The following KCNAB2 variants were observed in gnomAD, a reference collection of about 807,000 sequenced individuals.
The protein encoded by KCNAB2 is potassium voltage-gated channel subfamily A regulatory beta subunit 2, also known as voltage-gated potassium channel subunit beta-2.
KCNAB2 carries 29 observed loss-of-function variants against 63.6 expected under a neutral mutation model. That is an observed-to-expected ratio of 0.46 (90% CI 0.34 to 0.62). The LOEUF (loss-of-function observed/expected upper bound fraction) is 0.62, where lower values mean the gene tolerates loss of function less well. Among genes scored for constraint, KCNAB2 ranks in the 20% least tolerant of loss-of-function variants. The pLI, the probability that KCNAB2 is intolerant of heterozygous loss-of-function variation, is 0.01. For synonymous variants in KCNAB2, 222 were observed against 224.2 expected, an observed-to-expected ratio of 0.99 and a Z score of 0.09; for missense variants, 359 against 563.9, an observed-to-expected ratio of 0.64 and a Z score of 3.68.
At chr1:6,011,548 G>A (rs1432011877) in intron 1 of KCNAB2, among the ~76,000 whole-genome samples, 1 of 152,250 alleles carries the variant, frequency 6.6e-6, no homozygotes, top group South Asian at 2.1e-4. Flanking sequence ...AGGTAGACAG[G>A]AGAGGCTGTG....
chr1:6,039,863 G>C (rs554510525), intron 1 of KCNAB2, among the ~76,000 whole-genome samples: 1 of 152,348 alleles, frequency 6.6e-6, no homozygotes, highest in East Asian at 1.9e-4. Flanking sequence ...TCAGAGCCAG[G>C]AGGGACAGTC....
chr1:6,062,490 T>C (rs943045148), intron 2 of KCNAB2, among the ~76,000 whole-genome samples: 1 of 152,192 alleles, frequency 6.6e-6, no homozygotes. Context: ...GGTCCATTGA[T>C]CCAATATTTA....
In KCNAB2 at chr1:6,087,335, C is replaced by T; in HGVS notation, c.426-132C>T. ...ACACATCATATGATGGAGAAGTGCC[C>T]ATTTCATGCCCCAGGCTCCTGGGTG... On this transcript the variant is annotated intron_variant, in intron 6 of 15. Transcript: ENST00000378083. This position sits in a 1 kb window ranked among gnomAD's most constrained non-coding sequence, Gnocchi z 6.4. The T allele has an allele frequency of 2.1e-6, 2 of 945,246 alleles. No homozygotes were observed. Among genetic ancestry groups the T allele is most frequent in the Non-Finnish European group, 3.4e-6 (2 of 581,678 alleles). 58.6% of individuals were successfully genotyped at this position (945,246 alleles called of 1,614,324 possible). A position where few individuals can be genotyped will look rare whatever the true frequency, so the allele number is the denominator to read the frequency against.
chr1:6,083,363 A>G (rs552380519), intron 5 of KCNAB2, among the ~76,000 whole-genome samples: 3 of 152,338 alleles, frequency 2.0e-5, no homozygotes, highest in South Asian at 4.1e-4. Context: ...AGCTCCGTGC[A>G]GCCTCCGTGG....
intron 1 of KCNAB2, among the ~76,000 whole-genome samples, chr1:5,993,931 G>A (rs1656752855): frequency 6.6e-6 from 1 of 152,222 alleles, no homozygotes; most frequent in South Asian, 2.1e-4. Flanking sequence ...TTGGGAGGGG[G>A]CTGAGGAGCT....
chr1:6,060,901 C>CAAAA (rs58592769), intron 2 of KCNAB2, among the ~76,000 whole-genome samples: 2 of 85,182 alleles, frequency 2.3e-5, no homozygotes, highest in African/African-American at 7.7e-5. Flanking sequence ...GACTCCGTCT[C>CAAAA]AAAAAAAAAA....
intron 4 of KCNAB2, among the ~76,000 whole-genome samples, chr1:6,080,332 G>C (rs1306308231): frequency 6.6e-6 from 1 of 152,190 alleles, no homozygotes; most frequent in African/African-American, 2.4e-5. Flanking sequence ...AGTGCTAGAG[G>C]TGGGGAGAGA....
chr1:6,084,833 C>A (rs1452990676), intron 5 of KCNAB2, among the ~76,000 whole-genome samples: 1 of 151,852 alleles, frequency 6.6e-6, no homozygotes, highest in Non-Finnish European at 1.5e-5. Context: ...CAAGATACTT[C>A]TCTGGAAATT....
At position 6,096,542 on chromosome 1, in the gene KCNAB2, T is replaced by A; in HGVS notation, c.949-94T>A. On this transcript the variant is annotated intron_variant, in intron 13 of 15. Coordinates refer to ENST00000378083, the MANE Select transcript of KCNAB2 (RefSeq NM_001199862.2). The surrounding 1 kb of genome is among the most constrained non-coding windows in gnomAD (Gnocchi z 5.9). ...GAAGAGCCCCTATGAGGGAGAAGGGTCCAGAAGGAATGAGCCCATCGGCCC... is the reference window on the plus strand; with the variant it reads ...GAAGAGCCCCTATGAGGGAGAAGGGACCAGAAGGAATGAGCCCATCGGCCC... 6.8e-7 allele frequency: 1 copy of A among 1,460,050 alleles called. No individual in the cohort carries two copies. The highest frequency in any genetic ancestry group is 9.2e-7 in the Non-Finnish European group (1 of 1,087,606). The allele number at this position is 1,460,050 out of a possible 1,614,324, so 90.4% of individuals were successfully genotyped here.
rs1029395728 is a variant in KCNAB2 at position 6,003,958 on chromosome 1, T to A, written c.-53+11170T>A. On this transcript the variant is annotated intron_variant, in intron 1 of 16. Transcript: ENST00000341524. This position sits in a 1 kb window ranked among gnomAD's most constrained non-coding sequence, Gnocchi z 4.1. ...GCAGCGCTGCCTGGCAAGATGTTAA[T>A]CGTTCATGCCCTGTCACGTGGTCAT... Among the ~76,000 whole-genome samples the A allele has an allele frequency of 6.6e-6, 1 of 152,214 alleles. No homozygotes were observed. The highest frequency in any genetic ancestry group is 2.4e-5 in the African/African-American group (1 of 41,454).
chr1:6,045,784 T>A (rs984328530), upstream of KCNAB2: 1 of 463,034 alleles, frequency 2.2e-6, no homozygotes, highest in African/African-American at 2.1e-5. This position sits in a 1 kb window ranked among gnomAD's most constrained non-coding sequence, Gnocchi z 4.8. Flanking sequence ...TCCAAAGGTT[T>A]GTGTTTCTGG....
intron 1 of KCNAB2, among the ~76,000 whole-genome samples, chr1:5,993,451 T>C (rs554352735): frequency 6.6e-6 from 1 of 152,168 alleles, no homozygotes; most frequent in Admixed American, 6.5e-5. Flanking sequence ...CCTGAGCCCC[T>C]ACTCCTATCT....
intron 1 of KCNAB2, among the ~76,000 whole-genome samples, chr1:6,007,945 G>C (rs977640564): frequency 6.6e-6 from 1 of 152,172 alleles, no homozygotes; most frequent in African/African-American, 2.4e-5. Context: ...GCTGAGGCAG[G>C]GGCAGTGGTG....
At chr1:6,082,378 A>G in intron 5 of KCNAB2, 104 bp downstream of exon 5, 1 of 855,720 alleles carries the variant, frequency 1.2e-6, no homozygotes, top group Non-Finnish European at 2.0e-6. Flanking sequence ...TCACAAATGC[A>G]CCTTGCACCC....
At chr1:6,047,808 G>A (rs1213938166) in intron 1 of KCNAB2, among the ~76,000 whole-genome samples, 2 of 152,190 alleles carry the variant, frequency 1.3e-5, no homozygotes, top group African/African-American at 4.8e-5. Flanking sequence ...GCTCCTCATG[G>A]CACCAGCCCT....
rs1313448555 is a variant in KCNAB2 at position 6,073,604 on chromosome 1, T to C, written c.263-129T>C. ...CTGTCCACACACACTAAGGACACCC[T>C]GGCCACAGAGCAGCACAGAGGGACA... On this transcript the variant is annotated intron_variant, in intron 3 of 15. Transcript: ENST00000378083. This position sits in a 1 kb window ranked among gnomAD's most constrained non-coding sequence, Gnocchi z 5.7. 3.6e-6 allele frequency: 3 copies of C among 824,946 alleles called. No individual in the cohort carries two copies. In the African/African-American group the frequency reaches 5.0e-5, roughly 14 times the overall value. The allele number at this position is 824,946 out of a possible 1,614,324, so 51.1% of individuals were successfully genotyped here.
intron 1 of KCNAB2, among the ~76,000 whole-genome samples, chr1:6,002,690 A>G (rs1657323735): frequency 6.6e-6 from 1 of 152,140 alleles, no homozygotes. Flanking sequence ...GCAGGCAGAG[A>G]AGGCCAAGGT....
rs905466096 is a variant in KCNAB2 at position 6,073,036 on chromosome 1, C to T, written c.262+238C>T. Among the ~76,000 whole-genome samples the T allele has an allele frequency of 2.6e-5, 4 of 152,012 alleles. No homozygotes were observed. Among genetic ancestry groups the T allele is most frequent in the Admixed American group, 6.5e-5 (1 of 15,270 alleles). The stretch of plus-strand genomic sequence containing the variant: ...CACAGTCTCAGCAGAGGAGGTGAGG[C>T]GGATACTAGGGGCCCCTCCACACAT... On this transcript the variant is annotated intron_variant, in intron 3 of 15. Coordinates refer to ENST00000378083, the MANE Select transcript of KCNAB2 (RefSeq NM_001199862.2). This position sits in a 1 kb window ranked among gnomAD's most constrained non-coding sequence, Gnocchi z 5.7.
intron 15 of KCNAB2, 174 bp downstream of exon 15, chr1:6,097,531 A>C (rs187230092): frequency 2.8e-4 from 322 of 1,131,324 alleles, no homozygotes; most frequent in Non-Finnish European, 4.0e-4. Context: ...AACAGACATG[A>C]ACACTAACTG....
Sources: gnomAD v4.1 joint callset for allele counts (sites outside exome capture counted in the v4.1 genomes callset) on GRCh38, gnomAD v4.1.1 for gene constraint, Gnocchi (gnomAD v3.1) non-coding constraint, MANE v1.5 for transcripts, NCBI Gene and HGNC (gene_info 2026-07-23, HGNC 2026-07-21) for gene names.